Variants in NEK11 observed in about 807,000 individuals in gnomAD.
NEK11 encodes the protein serine/threonine-protein kinase Nek11.
Under a neutral mutation model 80.7 loss-of-function variants are expected in NEK11, and 72 were observed. The observed-to-expected ratio is 0.89, with a 90% CI of 0.74 to 1.08. The LOEUF is 1.08. Ranked by LOEUF, NEK11 falls within the 50% of genes least tolerant of loss-of-function variation. The probability of loss-of-function intolerance (pLI) is 0.00; values close to 1 mark genes in which losing one functional copy is unlikely to be tolerated. For missense variants in NEK11, 764 were observed against 763.6 expected (o/e 1.00, Z -0.01); for synonymous variants, 251 against 260.7 (o/e 0.96, Z 0.36).
intron 17 of NEK11, among the ~76,000 whole-genome samples, chr3:131,319,086 T>C (rs1267632309): frequency 1.3e-5 from 2 of 152,080 alleles, no homozygotes; most frequent in Admixed American, 6.6e-5. Context: ...ATTTTCAAAT[T>C]TCAGACTAAG....
At chr3:131,334,953 G>T (rs2097156818) in intron 17 of NEK11, among the ~76,000 whole-genome samples, 1 of 152,130 alleles carries the variant, frequency 6.6e-6, no homozygotes, top group South Asian at 2.1e-4. Flanking sequence ...CCAATAACAG[G>T]ATCTGAAATT....
intron 5 of NEK11, among the ~76,000 whole-genome samples, chr3:131,112,536 C>A (rs1212997670): frequency 6.6e-6 from 1 of 152,084 alleles, no homozygotes; most frequent in Non-Finnish European, 1.5e-5. Context: ...AAAAAATCAT[C>A]AAATTTAAGA....
intron 15 of NEK11, among the ~76,000 whole-genome samples, chr3:131,233,940 C>T (rs1019661469): frequency 1.4e-4 from 22 of 152,204 alleles, no homozygotes; most frequent in African/African-American, 5.1e-4. Context: ...TCTCCAAGAC[C>T]ACACAGCTAG....
intron 3 of NEK11, among the ~76,000 whole-genome samples, chr3:131,065,766 C>T (rs936448652): frequency 6.6e-6 from 1 of 152,160 alleles, no homozygotes; most frequent in Non-Finnish European, 1.5e-5. Context: ...ATTTCCAGCT[C>T]GTGTTTCAGC....
intron 17 of NEK11, among the ~76,000 whole-genome samples, chr3:131,275,106 T>C (rs2096272224): frequency 1.3e-5 from 2 of 152,174 alleles, no homozygotes; most frequent in African/African-American, 4.8e-5. Context: ...AGTGGTCTTA[T>C]AATAACATAA....
At chr3:131,081,596 A>G (rs2075289097) in intron 4 of NEK11, among the ~76,000 whole-genome samples, 1 of 152,228 alleles carries the variant, frequency 6.6e-6, no homozygotes, top group Non-Finnish European at 1.5e-5. Context: ...CCCAAAGATG[A>G]CTACGCTCAA....
intron 3 of NEK11, among the ~76,000 whole-genome samples, chr3:131,039,866 A>C (rs551040591): frequency 6.6e-6 from 1 of 152,232 alleles, no homozygotes; most frequent in Non-Finnish European, 1.5e-5. Flanking sequence ...AGTGATGTGC[A>C]TGACTTACAA....
intron 17 of NEK11, among the ~76,000 whole-genome samples, chr3:131,318,791 A>G (rs2096869416): frequency 6.6e-6 from 1 of 150,878 alleles, no homozygotes; most frequent in African/African-American, 2.4e-5. Flanking sequence ...TAATATTTAT[A>G]TCCAATGGCA....
chr3:131,085,751 T>C lies in NEK11; in HGVS notation c.336+5163T>C, dbSNP rs192673972. On this transcript the variant is annotated intron_variant, in intron 4 of 17. Coordinates refer to ENST00000383366, the MANE Select transcript of NEK11 (RefSeq NM_024800.5). Reference sequence around the variant, plus strand: ...TTTGCAGTTAAATACATTCCCTAATTTTAACAACTTATATAATCATAGTAT... The same window carrying C: ...TTTGCAGTTAAATACATTCCCTAATCTTAACAACTTATATAATCATAGTAT... Among the ~76,000 whole-genome samples the C allele has an allele frequency of 2.3e-3, 345 of 152,298 alleles. 6 individuals carry two copies. Among genetic ancestry groups the C allele is most frequent in the Admixed American group, 0.021 (327 of 15,300 alleles).
intron 3 of NEK11, among the ~76,000 whole-genome samples, chr3:131,033,919 G>T (rs2065244370): frequency 6.6e-6 from 1 of 152,162 alleles, no homozygotes. Context: ...GAATGAGATA[G>T]AGGTTTTTCC....
chr3:131,300,811 G>A (rs2096653144), intron 17 of NEK11, among the ~76,000 whole-genome samples: 1 of 152,166 alleles, frequency 6.6e-6, no homozygotes, highest in African/African-American at 2.4e-5. Flanking sequence ...GTCAGGTGAT[G>A]TGATGCCTCT....
chr3:131,264,975 C>T (rs975679259), intron 16 of NEK11, among the ~76,000 whole-genome samples: 2 of 151,950 alleles, frequency 1.3e-5, no homozygotes, highest in African/African-American at 4.8e-5. Context: ...TCTTTGAAGC[C>T]ATTGTGAATG....
chr3:131,318,217 G>T (rs2096863276), intron 17 of NEK11, among the ~76,000 whole-genome samples: 1 of 152,176 alleles, frequency 6.6e-6, no homozygotes, highest in Non-Finnish European at 1.5e-5. Context: ...TACTTCAGTT[G>T]TGCCATAGTA....
intron 14 of NEK11, among the ~76,000 whole-genome samples, chr3:131,182,138 C>T (rs1289243628): frequency 7.5e-6 from 1 of 132,876 alleles, no homozygotes; most frequent in African/African-American, 3.2e-5. Flanking sequence ...AGCACATCTC[C>T]AGAAAAAAAA....
At chr3:131,099,850 A>G (rs559994235) in intron 4 of NEK11, among the ~76,000 whole-genome samples, 37 of 152,306 alleles carry the variant, frequency 2.4e-4, no homozygotes, top group African/African-American at 8.7e-4. Flanking sequence ...ATTGTTTATC[A>G]CTTCTAATAG....
chr3:131,141,358 G>C (rs1186806604), intron 7 of NEK11, among the ~76,000 whole-genome samples: 2 of 152,058 alleles, frequency 1.3e-5, no homozygotes, highest in Admixed American at 1.3e-4. Flanking sequence ...CTCAGGATGG[G>C]GAAAAATGGA....
At chr3:131,075,315 A>G (rs1038763102) in intron 3 of NEK11, among the ~76,000 whole-genome samples, 1 of 152,202 alleles carries the variant, frequency 6.6e-6, no homozygotes, top group Non-Finnish European at 1.5e-5. Context: ...CATAAAAATA[A>G]TATTTTTGTT....
chr3:131,119,363 G>A (rs191801556), intron 5 of NEK11, among the ~76,000 whole-genome samples: 13 of 152,148 alleles, frequency 8.5e-5, no homozygotes, highest in East Asian at 5.8e-4. Flanking sequence ...GTTCTTTTAC[G>A]TTTGCTGAGG....
intron 10 of NEK11, among the ~76,000 whole-genome samples, chr3:131,159,610 C>T (rs1420077108): frequency 1.3e-5 from 2 of 152,036 alleles, no homozygotes; most frequent in Admixed American, 6.6e-5. Flanking sequence ...TACAAAAATA[C>T]AAAAGTTAGC....
Sources: allele counts gnomAD v4.1 joint callset (sites outside exome capture counted in the v4.1 genomes callset), GRCh38; gene constraint gnomAD v4.1.1; transcripts MANE v1.5; gene names NCBI Gene and HGNC (gene_info 2026-07-23, HGNC 2026-07-21).